The following FAAH2 variants were observed in gnomAD, a reference collection of about 807,000 sequenced individuals.
The protein encoded by FAAH2 is fatty acid amide hydrolase 2.
In FAAH2, 60 loss-of-function variants were observed where a neutral mutation model predicts 36.9. That is an observed-to-expected ratio of 1.63 (90% CI 1.32 to 2.02). FAAH2 has a LOEUF of 2.02. Ranked by LOEUF, FAAH2 falls within the 30% of genes most tolerant of loss-of-function variation. FAAH2 has a pLI of 0.00. For synonymous variants in FAAH2, 214 were observed against 143.8 expected (o/e 1.49, Z -3.49); for missense variants, 689 against 397.5 (o/e 1.73, Z -6.23).
chrX:57,412,897 C>T (rs1246212378), intron 7 of FAAH2, among the ~76,000 whole-genome samples: 1 of 112,240 alleles, frequency 8.9e-6, no homozygotes, highest in African/African-American at 3.2e-5. Context: ...TGTTTCCTGA[C>T]TTGTTAATGA....
At chrX:57,206,729 TAAA>T in the FAAH2 span, among the ~76,000 whole-genome samples, 4 of 112,165 alleles carry the variant, frequency 3.6e-5, no homozygotes, top group African/African-American at 1.3e-4. Flanking sequence ...CAATGACTAT[TAAA>T]GGCCAATTTC....
chrX:57,461,049 C>A (rs2056948990), intron 10 of FAAH2, among the ~76,000 whole-genome samples: 1 of 110,202 alleles, frequency 9.1e-6, no homozygotes, highest in African/African-American at 3.3e-5. Context: ...CCAAAAAAGA[C>A]AAGAAGGGCA....
At chrX:57,303,108 A>G (rs1429129065) in intron 2 of FAAH2, among the ~76,000 whole-genome samples, 6 of 111,534 alleles carry the variant, frequency 5.4e-5, no homozygotes, top group Non-Finnish European at 1.1e-4. Flanking sequence ...TACTTAAGGC[A>G]CTACCTTTTC....
At chrX:57,402,097 A>G (rs2055451424) in intron 7 of FAAH2, among the ~76,000 whole-genome samples, 2 of 111,324 alleles carry the variant, frequency 1.8e-5, no homozygotes, top group South Asian at 7.7e-4. Context: ...TCAATGTTCA[A>G]GCATACCCGG....
intron 2 of FAAH2, among the ~76,000 whole-genome samples, chrX:57,295,384 G>A (rs2052106376): frequency 8.9e-6 from 1 of 111,936 alleles, no homozygotes; most frequent in African/African-American, 3.2e-5. Flanking sequence ...GTCTTTCTCT[G>A]GCACCCATAT....
At chrX:57,184,838 C>CT in the FAAH2 span, among the ~76,000 whole-genome samples, 10 of 111,663 alleles carry the variant, frequency 9.0e-5, no homozygotes, top group East Asian at 1.7e-3. Context: ...TTCCAAGTGT[C>CT]TTTTTTTTCC....
At chrX:57,284,755 A>T (rs1602153526), upstream of FAAH2, among the ~76,000 whole-genome samples, 1 of 107,842 alleles carries the variant, frequency 9.3e-6, no homozygotes, top group Admixed American at 9.9e-5. Flanking sequence ...TTAAGATTGT[A>T]AAAAAAAAAC....
intron 7 of FAAH2, among the ~76,000 whole-genome samples, chrX:57,403,813 A>T (rs1214745787): frequency 2.7e-5 from 3 of 112,423 alleles, no homozygotes; most frequent in Middle Eastern, 9.2e-3. Context: ...GTCTGTTCAG[A>T]CATTTGTATG....
chrX:57,373,782 G>A (rs1218698361), intron 5 of FAAH2, among the ~76,000 whole-genome samples: 1 of 111,267 alleles, frequency 9.0e-6, no homozygotes, highest in Non-Finnish European at 1.9e-5. Flanking sequence ...TATTGGTTAT[G>A]AAATCATTGC....
At chrX:57,195,522 C>A in the FAAH2 span, among the ~76,000 whole-genome samples, 1 of 111,411 alleles carries the variant, frequency 9.0e-6, no homozygotes, top group Non-Finnish European at 1.9e-5. Flanking sequence ...TTTTCAGATG[C>A]AGTTTGCAAA....
chrX:57,320,561 A>C (rs1288298883), intron 3 of FAAH2, among the ~76,000 whole-genome samples: 1 of 112,516 alleles, frequency 8.9e-6, no homozygotes, highest in African/African-American at 3.2e-5. Flanking sequence ...ATGCTTTTAC[A>C]TTGTTGGTGG....
At chrX:57,287,621 G>C (rs771121321) in intron 1 of FAAH2, among the ~76,000 whole-genome samples, 16 of 111,527 alleles carry the variant, frequency 1.4e-4, no homozygotes, top group Non-Finnish European at 2.3e-4. Flanking sequence ...AAAATGATTT[G>C]CACAAAAATT....
the FAAH2 span, among the ~76,000 whole-genome samples, chrX:57,220,814 T>G: frequency 3.6e-5 from 4 of 111,364 alleles, no homozygotes; most frequent in Admixed American, 9.5e-5. Context: ...CCACTGGAAG[T>G]CGGACTGTAA....
At chrX:57,200,497 G>T in the FAAH2 span, among the ~76,000 whole-genome samples, 8 of 108,437 alleles carry the variant, frequency 7.4e-5, no homozygotes, top group Admixed American at 4.9e-4. Flanking sequence ...CCCTGCCTCA[G>T]CCTCCCGAAT....
intron 2 of FAAH2, among the ~76,000 whole-genome samples, chrX:57,294,111 G>T (rs1316618218): frequency 8.9e-6 from 1 of 111,801 alleles, no homozygotes; most frequent in Non-Finnish European, 1.9e-5. Context: ...AAAAATATGT[G>T]TAAAGCACCT....
chrX:57,338,012 C>T (rs2053596414), intron 4 of FAAH2, among the ~76,000 whole-genome samples: 1 of 112,120 alleles, frequency 8.9e-6, no homozygotes, highest in Non-Finnish European at 1.9e-5. Flanking sequence ...ACCCCATCAT[C>T]TCAGCCCAAA....
chrX:57,432,019 A>G lies in FAAH2; in HGVS notation c.1098A>G (p.Ala366=). Residue 366 remains alanine, a synonymous_variant, in exon 8 of 11, where the codon GCA becomes GCG. Coordinates refer to ENST00000374900, the MANE Select transcript of FAAH2 (RefSeq NM_174912.4). ...SFQLWIAMMS[A]KGHDGKEPVK... is the part of the protein sequence containing the mutation. ...AGTTGTGGATCGCAATGATGTCAGC[A>G]AAGGGACATGATGGGAAGGTATTTT... 2 of 1,202,722 alleles carry G rather than the reference A, an allele frequency of 1.7e-6. No individual in the cohort carries two copies. Among genetic ancestry groups the G allele is most frequent in the Non-Finnish European group, 2.2e-6 (2 of 890,654 alleles).
At chrX:57,325,358 T>A (rs1329338644) in intron 3 of FAAH2, among the ~76,000 whole-genome samples, 2 of 111,705 alleles carry the variant, frequency 1.8e-5, no homozygotes, top group African/African-American at 6.5e-5. Flanking sequence ...CCTCATAAAA[T>A]GAGTTAGGGA....
chrX:57,247,989 TTCAGA>T, the FAAH2 span, among the ~76,000 whole-genome samples: 1 of 112,224 alleles, frequency 8.9e-6, no homozygotes, highest in Admixed American at 9.5e-5. Context: ...TACAGAAATT[TTCAGA>T]TCATTTATTT....
Sources: allele counts gnomAD v4.1 joint callset (sites outside exome capture counted in the v4.1 genomes callset), GRCh38; gene constraint gnomAD v4.1.1; transcripts MANE v1.5; gene names NCBI Gene and HGNC (gene_info 2026-07-23, HGNC 2026-07-21).